Variants in FBXL13 observed in about 807,000 individuals in gnomAD.
FBXL13 encodes F-box and leucine rich repeat protein 13, also known as F-box and leucine-rich repeat protein 13.
A neutral mutation model predicts 83.6 loss-of-function variants in FBXL13; 67 were observed. The observed-to-expected ratio is 0.80, with a 90% CI of 0.66 to 0.98. The LOEUF (loss-of-function observed/expected upper bound fraction) is 0.98, where lower values mean the gene tolerates loss of function less well. Among genes scored for constraint, FBXL13 ranks in the 50% least tolerant of loss-of-function variants. FBXL13 has a pLI of 0.00. For missense variants in FBXL13, 822 were observed against 866.5 expected (o/e 0.95, Z 0.64); for synonymous variants, 272 against 299.5 (o/e 0.91, Z 0.95).
chr7:102,928,836 T>C (rs1228362147), intron 9 of FBXL13, among the ~76,000 whole-genome samples: 2 of 152,230 alleles, frequency 1.3e-5, no homozygotes, highest in Non-Finnish European at 2.9e-5. Context: ...TTAAAATCCT[T>C]CTTCATGAAG....
intron 1 of FBXL13, among the ~76,000 whole-genome samples, chr7:103,061,142 G>A (rs1190088029): frequency 1.3e-5 from 2 of 151,906 alleles, no homozygotes; most frequent in African/African-American, 2.4e-5. Context: ...ACCCCAGGAA[G>A]AGGAAGATGC....
chr7:103,019,253 C>T (rs140984234), intron 6 of FBXL13, among the ~76,000 whole-genome samples: 1,688 of 152,102 alleles, frequency 0.011, 34 homozygotes, highest in African/African-American at 0.039. Flanking sequence ...AAGGCAGAAA[C>T]AAAGATGTTC....
chr7:103,033,931 T>C (rs991405916), intron 2 of FBXL13, among the ~76,000 whole-genome samples: 3 of 152,138 alleles, frequency 2.0e-5, no homozygotes, highest in African/African-American at 7.2e-5. Context: ...ACAAAGGTTC[T>C]CCACATCCCC....
At chr7:102,935,170 G>A (rs1027408680) in intron 8 of FBXL13, among the ~76,000 whole-genome samples, 5 of 151,084 alleles carry the variant, frequency 3.3e-5, no homozygotes, top group Admixed American at 2.6e-4. Context: ...ATGGCCCTTC[G>A]GTATTTCTTA....
intron 1 of FBXL13, among the ~76,000 whole-genome samples, chr7:103,058,319 C>T (rs1275826019): frequency 2.6e-5 from 4 of 152,182 alleles, no homozygotes; most frequent in Non-Finnish European, 5.9e-5. Flanking sequence ...AGACTGACTT[C>T]CTTTTCCCCC....
At chr7:102,847,263 T>C (rs963479763) in intron 17 of FBXL13, among the ~76,000 whole-genome samples, 4 of 151,844 alleles carry the variant, frequency 2.6e-5, no homozygotes, top group Non-Finnish European at 5.9e-5. Flanking sequence ...TGCTTCACAA[T>C]TGTAGTCACT....
chr7:102,967,511 G>T (rs998264869), intron 7 of FBXL13, among the ~76,000 whole-genome samples: 3 of 152,180 alleles, frequency 2.0e-5, no homozygotes, highest in African/African-American at 7.2e-5. Context: ...GACCTCAGGT[G>T]ATCTGCCCAC....
intron 11 of FBXL13, among the ~76,000 whole-genome samples, chr7:102,888,412 G>A (rs576915480): frequency 5.3e-5 from 8 of 152,298 alleles, no homozygotes; most frequent in African/African-American, 7.2e-5. Context: ...GGTGGCACAC[G>A]CCTATAGTCC....
chr7:103,017,826 T>A (rs1792561322), intron 6 of FBXL13, among the ~76,000 whole-genome samples: 1 of 152,046 alleles, frequency 6.6e-6, no homozygotes, highest in South Asian at 2.1e-4. Flanking sequence ...TGGGATTATG[T>A]GAAAAGACCA....
chr7:102,889,594 A>G (rs994533008), intron 11 of FBXL13, among the ~76,000 whole-genome samples: 1 of 150,252 alleles, frequency 6.7e-6, no homozygotes, highest in Non-Finnish European at 1.5e-5. Context: ...CCCGTGTGTG[A>G]TGTTCCCTGC....
At chr7:102,915,824 G>A (rs2129469531) in intron 10 of FBXL13, among the ~76,000 whole-genome samples, 1 of 152,200 alleles carries the variant, frequency 6.6e-6, no homozygotes, top group Middle Eastern at 3.4e-3. Context: ...TGCTGTGATT[G>A]TGAACTATCA....
At chr7:102,843,181 C>T (rs1268374766) in intron 17 of FBXL13, among the ~76,000 whole-genome samples, 1 of 152,226 alleles carries the variant, frequency 6.6e-6, no homozygotes, top group Non-Finnish European at 1.5e-5. Context: ...TGGTGGCTCA[C>T]ACCTGTAACC....
chr7:102,866,199 T>A (rs1807623635), intron 16 of FBXL13, among the ~76,000 whole-genome samples: 1 of 152,292 alleles, frequency 6.6e-6, no homozygotes, highest in Admixed American at 6.5e-5. Context: ...ACTGTTTGCC[T>A]CCTACTTGAT....
chr7:103,014,517 T>C (rs919834332), intron 6 of FBXL13, among the ~76,000 whole-genome samples: 1 of 152,158 alleles, frequency 6.6e-6, no homozygotes, highest in Non-Finnish European at 1.5e-5. Context: ...CCCTAACTCA[T>C]TCTATGAGGC....
chr7:102,979,066 T>C (rs1316037519), intron 6 of FBXL13, among the ~76,000 whole-genome samples: 1 of 152,242 alleles, frequency 6.6e-6, no homozygotes, highest in Non-Finnish European at 1.5e-5. Context: ...AACATTTTAC[T>C]TTCCACCTAC....
chr7:102,954,799 C>A (rs1429099427), intron 8 of FBXL13, among the ~76,000 whole-genome samples: 1 of 152,116 alleles, frequency 6.6e-6, no homozygotes, highest in African/African-American at 2.4e-5. Context: ...CAAAGAAGGC[C>A]ATGACATAAT....
At chr7:103,074,275 G>A (rs938854266) in exon 1 of FBXL13, 3 of 1,004,050 alleles carry the variant, frequency 3.0e-6, no homozygotes, top group Middle Eastern at 5.1e-4. Flanking sequence ...CTTATCTTAG[G>A]TGACTAGTGC....
At chr7:102,982,394 G>GA (rs1167807303) in intron 6 of FBXL13, among the ~76,000 whole-genome samples, 3 of 152,112 alleles carry the variant, frequency 2.0e-5, no homozygotes, top group African/African-American at 4.8e-5. Context: ...ACTATGGAAG[G>GA]AAGAGTATCA....
intron 17 of FBXL13, among the ~76,000 whole-genome samples, chr7:102,838,188 CTG>C (rs1481098949): frequency 2.0e-5 from 3 of 152,130 alleles, no homozygotes; most frequent in African/African-American, 4.8e-5. Flanking sequence ...TTTTGTGTCT[CTG>C]GATAAGTTAC....
Sources: allele counts gnomAD v4.1 joint callset (sites outside exome capture counted in the v4.1 genomes callset), GRCh38; gene constraint gnomAD v4.1.1; transcripts MANE v1.5; gene names NCBI Gene and HGNC (gene_info 2026-07-23, HGNC 2026-07-21).